Variants in PAMR1 observed in about 807,000 individuals in gnomAD.
The protein encoded by PAMR1 is inactive serine protease PAMR1.
In PAMR1, 88 loss-of-function variants were observed where a neutral mutation model predicts 81.8. The observed-to-expected ratio is 1.08, with a 90% CI of 0.91 to 1.28. PAMR1 has a LOEUF of 1.28. Ranked by LOEUF, PAMR1 falls within the 50% of genes most tolerant of loss-of-function variation. The pLI is 0.00. For synonymous variants in PAMR1, 336 were observed against 345.3 expected (o/e 0.97, Z 0.30); for missense variants, 935 against 919.7 (o/e 1.02, Z -0.21).
chr11:35,433,765 T>TGGATGGAC (rs1238183882), intron 10 of PAMR1, among the ~76,000 whole-genome samples: 4 of 138,486 alleles, frequency 2.9e-5, no homozygotes, highest in Admixed American at 2.4e-4. Context: ...GATGGATGGA[T>TGGATGGAC]GGATAGACGG....
At chr11:35,508,775 C>T (rs112233270) in intron 1 of PAMR1, among the ~76,000 whole-genome samples, 47 of 152,134 alleles carry the variant, frequency 3.1e-4, no homozygotes, top group African/African-American at 1.1e-3. Context: ...CTGTTTAACT[C>T]CCACTTATAA....
At chr11:35,475,967 C>T (rs1164739809) in intron 3 of PAMR1, among the ~76,000 whole-genome samples, 1 of 152,220 alleles carries the variant, frequency 6.6e-6, no homozygotes, top group South Asian at 2.1e-4. Flanking sequence ...CCCAAAAGTA[C>T]AAAATTTCAT....
intron 1 of PAMR1, among the ~76,000 whole-genome samples, chr11:35,517,824 ACCATG>A (rs2135424258): frequency 6.6e-6 from 1 of 152,320 alleles, no homozygotes; most frequent in African/African-American, 2.4e-5. Context: ...AACACCTATA[ACCATG>A]CCTGGCACCC....
chr11:35,488,069 GTTC>G (rs1850544265), intron 3 of PAMR1, among the ~76,000 whole-genome samples: 2 of 152,060 alleles, frequency 1.3e-5, no homozygotes, highest in African/African-American at 4.8e-5. Flanking sequence ...CTCATAGGAA[GTTC>G]TTCTCCTTCA....
At chr11:35,486,340 T>G (rs77742315) in intron 3 of PAMR1, among the ~76,000 whole-genome samples, 1 of 152,244 alleles carries the variant, frequency 6.6e-6, no homozygotes, top group East Asian at 1.9e-4. Context: ...TTCAATTTCA[T>G]AGCATTGACC....
intron 6 of PAMR1, among the ~76,000 whole-genome samples, chr11:35,450,999 TTGAG>T (rs1439928984): frequency 6.6e-6 from 1 of 152,218 alleles, no homozygotes; most frequent in Non-Finnish European, 1.5e-5. Context: ...CCAAGAAAGA[TTGAG>T]TGATATTTAA....
At chr11:35,505,610 C>A (rs544339589) in intron 1 of PAMR1, among the ~76,000 whole-genome samples, 1 of 152,096 alleles carries the variant, frequency 6.6e-6, no homozygotes, top group African/African-American at 2.4e-5. Context: ...ATATAGTGAC[C>A]TTCTTTGTCT....
chr11:35,514,706 G>A (rs551323001), intron 1 of PAMR1, among the ~76,000 whole-genome samples: 4 of 152,346 alleles, frequency 2.6e-5, no homozygotes, highest in Non-Finnish European at 5.9e-5. Flanking sequence ...ATATTTGGCG[G>A]CCAGGTGTGA....
chr11:35,436,656 T>TCACACACACA lies in PAMR1; in HGVS notation c.1101-531_1101-522dup, dbSNP rs34951313. Among the ~76,000 whole-genome samples the TCACACACACA allele has an allele frequency of 7.7e-4, 111 of 144,942 alleles. 2 individuals are homozygous for TCACACACACA. Among genetic ancestry groups the TCACACACACA allele is most frequent in the African/African-American group, 2.2e-3 (86 of 39,374 alleles). ...CTCTCTGTTTCTCTCTCTCTCTCTG[T>TCACACACACA]CACACACACACACACACACACACAC... On this transcript the variant is annotated intron_variant, in intron 8 of 10. Coordinates refer to ENST00000619888, the MANE Select transcript of PAMR1 (RefSeq NM_001001991.3).
chr11:35,518,967 C>T (rs1475065397), intron 1 of PAMR1, among the ~76,000 whole-genome samples: 1 of 152,172 alleles, frequency 6.6e-6, no homozygotes, highest in African/African-American at 2.4e-5. Flanking sequence ...AGTCAACTGA[C>T]CAGACTTCTA....
intron 6 of PAMR1, among the ~76,000 whole-genome samples, chr11:35,458,830 C>T (rs1254273060): frequency 6.6e-6 from 1 of 152,238 alleles, no homozygotes; most frequent in African/African-American, 2.4e-5. Context: ...TTACAGACAG[C>T]ATCACATGGC....
At chr11:35,515,257 C>A (rs545311277) in intron 1 of PAMR1, among the ~76,000 whole-genome samples, 1 of 152,242 alleles carries the variant, frequency 6.6e-6, no homozygotes, top group African/African-American at 2.4e-5. Context: ...ACCTCTTTGC[C>A]AAAAGCTTCC....
chr11:35,517,878 A>T (rs960734168), intron 1 of PAMR1, among the ~76,000 whole-genome samples: 4 of 152,230 alleles, frequency 2.6e-5, no homozygotes, highest in African/African-American at 9.6e-5. Flanking sequence ...AAATACATGA[A>T]TATGGACATG....
At chr11:35,465,519 G>T (rs538329442) in intron 6 of PAMR1, among the ~76,000 whole-genome samples, 1 of 152,228 alleles carries the variant, frequency 6.6e-6, no homozygotes, top group South Asian at 2.1e-4. Context: ...AATTGCTAAG[G>T]TTTACTCAGA....
At chr11:35,472,162 G>A (rs1850199721) in intron 4 of PAMR1, among the ~76,000 whole-genome samples, 4 of 152,186 alleles carry the variant, frequency 2.6e-5, no homozygotes. Flanking sequence ...TAAGAGGACA[G>A]CTGATTTCTT....
Position 35,435,948 on chromosome 11 carries a change from G to C in PAMR1, c.1288C>G (p.Leu430Val), listed in dbSNP as rs779858370. 11 of 1,614,218 alleles carry C rather than the reference G, an allele frequency of 6.8e-6. No homozygotes were observed. The highest frequency in any genetic ancestry group is 1.3e-5 in the African/African-American group (1 of 75,068). Reference sequence around the variant, plus strand: ...CGCCCACTCCACTTCCCAGTCCTCAGACATGTCCTCCTGCTGCTGCCCAGG... The same window carrying C: ...CGCCCACTCCACTTCCCAGTCCTCACACATGTCCTCCTGCTGCTGCCCAGG... ...RRLGSSRRTC[L>V]RTGKWSGRAP... Residue 430 changes from leucine (L) to valine (V), a missense_variant, in exon 9 of 11, where the codon CTG (leucine) becomes GTG (valine). By Grantham distance (32) the Leu-to-Val change is conservative. Transcript: ENST00000619888.
chr11:35,469,150 T>C (rs1439290973), intron 5 of PAMR1, among the ~76,000 whole-genome samples: 2 of 152,178 alleles, frequency 1.3e-5, no homozygotes, highest in Admixed American at 1.3e-4. Context: ...AAGAATGTAG[T>C]AGGGGCTATG....
At chr11:35,524,828 T>C (rs540536672) in intron 1 of PAMR1, among the ~76,000 whole-genome samples, 7 of 152,352 alleles carry the variant, frequency 4.6e-5, no homozygotes, top group Admixed American at 3.9e-4. Flanking sequence ...ACCTGGGGAT[T>C]GTGGCTTAGA....
intron 6 of PAMR1, among the ~76,000 whole-genome samples, chr11:35,447,517 T>C (rs1287912542): frequency 6.6e-6 from 1 of 152,176 alleles, no homozygotes; most frequent in Non-Finnish European, 1.5e-5. Context: ...TCCATCCTTT[T>C]ATTTTGAGCC....
Sources: allele counts gnomAD v4.1 joint callset (sites outside exome capture counted in the v4.1 genomes callset), GRCh38; gene constraint gnomAD v4.1.1; transcripts MANE v1.5; gene names NCBI Gene and HGNC (gene_info 2026-07-23, HGNC 2026-07-21).